The following LRRC9 variants were observed in gnomAD, a reference collection of about 807,000 sequenced individuals.
LRRC9 encodes the protein leucine-rich repeat-containing protein 9.
In LRRC9, 122 loss-of-function variants were observed where a neutral mutation model predicts 63.2. That is an observed-to-expected ratio of 1.93 (90% CI 1.67 to 2.24). The LOEUF is 2.24. LRRC9 is among the 30% of genes most tolerant of loss of function. The pLI, the probability that LRRC9 is intolerant of heterozygous loss-of-function variation, is 0.00. For missense variants in LRRC9, 1,071 were observed against 627.7 expected, an observed-to-expected ratio of 1.71 and a Z score of -7.55; for synonymous variants, 366 against 213.1, an observed-to-expected ratio of 1.72 and a Z score of -6.25.
intron 23 of LRRC9, among the ~76,000 whole-genome samples, chr14:60,015,480 G>A (rs1285269054): frequency 6.6e-6 from 1 of 152,168 alleles, no homozygotes; most frequent in South Asian, 2.1e-4. Context: ...GGAGATAGAA[G>A]TTCAAATTCC....
At chr14:59,957,265 A>G (rs1401143568) in intron 8 of LRRC9, among the ~76,000 whole-genome samples, 2 of 152,098 alleles carry the variant, frequency 1.3e-5, no homozygotes, top group Non-Finnish European at 2.9e-5. Flanking sequence ...AGGGACCCCA[A>G]TCAACCAGAG....
chr14:59,931,953 C>G lies in LRRC9; in HGVS notation c.473-16C>G, dbSNP rs1354263858. ...GAAGGTAAAATAATTGAATTCTTTTCGTCTATTTTTTAAAGGTCGATGTCT... is the reference window on the plus strand; with the variant it reads ...GAAGGTAAAATAATTGAATTCTTTTGGTCTATTTTTTAAAGGTCGATGTCT... On this transcript the variant is annotated splice_polypyrimidine_tract_variant and intron_variant, in intron 5 of 31. Coordinates refer to ENST00000445360, the Ensembl canonical transcript of LRRC9. 3 of 696,444 alleles carry G rather than the reference C, an allele frequency of 4.3e-6. No homozygotes were observed. Among genetic ancestry groups the G allele is most frequent in the South Asian group, 1.5e-5 (1 of 66,100 alleles). The allele number at this position is 696,444 out of a possible 1,614,324, so 43.1% of individuals were successfully genotyped here.
chr14:59,953,276 C>T (rs138404338), intron 8 of LRRC9, among the ~76,000 whole-genome samples: 135 of 152,342 alleles, frequency 8.9e-4, no homozygotes, highest in African/African-American at 3.0e-3. Flanking sequence ...CTCCCACCAA[C>T]AGTGTAAAAC....
At chr14:59,965,941 G>C (rs1258988101) in intron 10 of LRRC9, among the ~76,000 whole-genome samples, 1 of 132,490 alleles carries the variant, frequency 7.5e-6, no homozygotes, top group African/African-American at 2.8e-5. Flanking sequence ...AGGAAGAAAG[G>C]AGAGGATTAT....
At chr14:60,065,673 A>AAAAAAAAG (rs1894870695), downstream of LRRC9, among the ~76,000 whole-genome samples, 1 of 145,638 alleles carries the variant, frequency 6.9e-6, no homozygotes, top group East Asian at 2.0e-4. Context: ...AAAACTGTAA[A>AAAAAAAAG]AGAGAGTAAA....
At chr14:59,951,697 TGTTA>T (rs1213488632) in intron 8 of LRRC9, among the ~76,000 whole-genome samples, 3 of 150,024 alleles carry the variant, frequency 2.0e-5, no homozygotes, top group African/African-American at 4.9e-5. Context: ...CCTTTCTGTT[TGTTA>T]GTTTTCCTTC....
rs1888985901 is a variant in LRRC9, at chr14:59,923,886, A to G, written c.-34+4003A>G. 6.6e-6 allele frequency among the ~76,000 whole-genome samples: 1 copy of G among 152,204 alleles called. No individual in the cohort carries two copies. Among genetic ancestry groups the G allele is most frequent in the African/African-American group, 2.4e-5 (1 of 41,466 alleles). ...AACCCGGGAGGTGGAGCTTGCAGTG[A>G]GCTGAGATCGCGCCACTGCACTGTA... On this transcript the variant is annotated intron_variant, in intron 1 of 31. Coordinates refer to ENST00000445360, the Ensembl canonical transcript of LRRC9. This position sits in a 1 kb window ranked among gnomAD's most constrained non-coding sequence, Gnocchi z 4.2.
chr14:59,967,427 G>C (rs1435882505), intron 12 of LRRC9, among the ~76,000 whole-genome samples: 1 of 152,072 alleles, frequency 6.6e-6, no homozygotes, highest in Admixed American at 6.6e-5. Context: ...CTGACCCTAC[G>C]TAATCCTTCT....
intron 13 of LRRC9, among the ~76,000 whole-genome samples, chr14:59,976,339 G>T (rs1886283270): frequency 6.6e-6 from 1 of 152,152 alleles, no homozygotes; most frequent in African/African-American, 2.4e-5. Context: ...CATGAAACCA[G>T]TCCCTGGTGC....
chr14:59,975,450 T>G (rs1284836211), intron 13 of LRRC9, among the ~76,000 whole-genome samples: 1 of 151,912 alleles, frequency 6.6e-6, no homozygotes, highest in Non-Finnish European at 1.5e-5. Context: ...GCAGCTTGAA[T>G]ATGTAGAAAT....
Position 60,053,273 on chromosome 14 carries a change from C to A in LRRC9, c.4131+68C>A. 1 of 642,396 alleles carries A rather than the reference C, an allele frequency of 1.6e-6. No homozygotes were observed. Among genetic ancestry groups the A allele is most frequent in the Non-Finnish European group, 2.8e-6 (1 of 355,436 alleles). 39.8% of individuals were successfully genotyped at this position (642,396 alleles called of 1,614,324 possible). On this transcript the variant is annotated intron_variant, in intron 30 of 31. Transcript: ENST00000445360. The surrounding 1 kb of genome is among the most constrained non-coding windows in gnomAD (Gnocchi z 4.8). ...AATGGTTAGTAAATGAACATTATAT[C>A]TTTTGATTTAAATGTTTAAACCTAT...
At chr14:60,010,516 G>A (rs376825938) in intron 23 of LRRC9, among the ~76,000 whole-genome samples, 1 of 152,140 alleles carries the variant, frequency 6.6e-6, no homozygotes, top group African/African-American at 2.4e-5. Flanking sequence ...TGCTGTGAAG[G>A]TCTCTGACAT....
chr14:59,987,593 T>C (rs1056531295), intron 17 of LRRC9, among the ~76,000 whole-genome samples: 1 of 151,792 alleles, frequency 6.6e-6, no homozygotes, highest in African/African-American at 2.4e-5. Flanking sequence ...CATCGCTATA[T>C]GCCTCCCATC....
chr14:60,007,771 C>T (rs1889933475), intron 22 of LRRC9, among the ~76,000 whole-genome samples: 1 of 151,784 alleles, frequency 6.6e-6, no homozygotes, highest in South Asian at 2.1e-4. Flanking sequence ...AAGGGTAACC[C>T]TTGCACTTAA....
chr14:59,940,497 G>T lies in LRRC9; in HGVS notation c.726+1925G>T, dbSNP rs997135081. Among the ~76,000 whole-genome samples, 18 of 152,130 alleles carry T rather than the reference G, an allele frequency of 1.2e-4. 1 individual carries two copies. Among genetic ancestry groups the T allele is most frequent in the Admixed American group, 8.5e-4 (13 of 15,242 alleles). On this transcript the variant is annotated intron_variant, in intron 7 of 31. Transcript: ENST00000445360. ...GTCAGGTAAAGTCAGAACCTACCAGGAGGACCACCAAAGAGTTAGTGCAAG... is the reference window on the plus strand; with the variant it reads ...GTCAGGTAAAGTCAGAACCTACCAGTAGGACCACCAAAGAGTTAGTGCAAG...
At chr14:60,057,885 C>A in exon 31 of LRRC9, 1 of 669,042 alleles carries the variant, frequency 1.5e-6, no homozygotes, top group Non-Finnish European at 2.8e-6. Context: ...TAGCTTATTC[C>A]TGTTACCCAC....
At chr14:60,007,427 CA>C (rs1889902622) in intron 22 of LRRC9, among the ~76,000 whole-genome samples, 1 of 152,188 alleles carries the variant, frequency 6.6e-6, no homozygotes, top group Non-Finnish European at 1.5e-5. Context: ...ACCCTTCCTT[CA>C]CAACAAAGGC....
In LRRC9 at chr14:59,962,008, A is replaced by G. The variant is rs1314159313; in HGVS notation, c.1211+963A>G. On this transcript the variant is annotated intron_variant, in intron 10 of 31. Transcript: ENST00000445360. The surrounding 1 kb of genome is among the most constrained non-coding windows in gnomAD (Gnocchi z 5.1). ...AAATAAATACTAATTTTTATAGTGT[A>G]GAATGTAAAACTTACACTAACTTTT... 6.6e-6 allele frequency among the ~76,000 whole-genome samples: 1 copy of G among 152,216 alleles called. No homozygotes were observed. Among genetic ancestry groups the G allele is most frequent in the Non-Finnish European group, 1.5e-5 (1 of 68,046 alleles).
intron 8 of LRRC9, among the ~76,000 whole-genome samples, chr14:59,957,018 C>T (rs1396196714): frequency 1.3e-5 from 2 of 152,120 alleles, no homozygotes; most frequent in African/African-American, 4.8e-5. Context: ...TGATGGGCTT[C>T]CCTTTGTAGG....
Sources: gnomAD v4.1 joint callset for allele counts (sites outside exome capture counted in the v4.1 genomes callset) on GRCh38, gnomAD v4.1.1 for gene constraint, Gnocchi (gnomAD v3.1) non-coding constraint, MANE v1.5 for transcripts, NCBI Gene and HGNC (gene_info 2026-07-23, HGNC 2026-07-21) for gene names.